BLTP1: variants seen among roughly 807,000 people sequenced by gnomAD.
BLTP1 encodes fragile site-associated protein.
the BLTP1 span, chr4:122,183,247 GA>G: frequency 2.3e-6 from 1 of 429,574 alleles, no homozygotes; most frequent in Admixed American, 6.6e-5. Context: ...GAGGTGGGAG[GA>G]TCACTTGAGC....
chr4:122,213,271 G>A, the BLTP1 span, among the ~76,000 whole-genome samples: 109 of 152,128 alleles, frequency 7.2e-4, no homozygotes, highest in Admixed American at 4.1e-3. Flanking sequence ...ACTTCTTCCT[G>A]GCCTCAAGTG....
chr4:122,261,301 CAT>C, the BLTP1 span: 8 of 985,062 alleles, frequency 8.1e-6, no homozygotes, highest in South Asian at 9.4e-5. Flanking sequence ...CCTTCTGAAT[CAT>C]ATTTAGGTGT....
chr4:122,280,201 A>G, the BLTP1 span: 5 of 985,192 alleles, frequency 5.1e-6, no homozygotes, highest in Non-Finnish European at 6.0e-6. Context: ...AGTGTTCCAT[A>G]TTGCATAAAC....
At chr4:122,174,471 T>A in the BLTP1 span, 1 of 1,506,416 alleles carries the variant, frequency 6.6e-7, no homozygotes. Flanking sequence ...TGAGAAGAGA[T>A]GCTTATTGAA....
chr4:122,254,408 A>G, the BLTP1 span: 1 of 1,397,294 alleles, frequency 7.2e-7, no homozygotes, highest in South Asian at 1.3e-5. Flanking sequence ...ATAGTATACA[A>G]TTCTGTTTCA....
the BLTP1 span, chr4:122,187,525 T>G: frequency 1.2e-6 from 2 of 1,606,998 alleles, no homozygotes; most frequent in Non-Finnish European, 1.7e-6. Context: ...AAGTAAATTC[T>G]GCTACAATTA....
the BLTP1 span, chr4:122,264,558 T>G: frequency 1.5e-6 from 1 of 687,730 alleles, no homozygotes; most frequent in Non-Finnish European, 2.1e-6. Context: ...ACAGCCTTCA[T>G]GCAAAACAGG....
At chr4:122,203,862 A>T in the BLTP1 span, 19 of 493,762 alleles carry the variant, frequency 3.8e-5, no homozygotes, top group Non-Finnish European at 4.5e-5. Flanking sequence ...AGAATAAAAT[A>T]ATAAGATTTG....
the BLTP1 span, among the ~76,000 whole-genome samples, chr4:122,303,704 G>A: frequency 6.6e-6 from 1 of 152,294 alleles, no homozygotes; most frequent in East Asian, 1.9e-4. Context: ...TGCAGACAGG[G>A]TGGAAATAGC....
At chr4:122,247,469 AAGAAAG>A in the BLTP1 span, 1 of 1,260,404 alleles carries the variant, frequency 7.9e-7, no homozygotes, top group South Asian at 1.4e-5. Context: ...GGTATTCTAT[AAGAAAG>A]AGAAAGGTAT....
At chr4:122,353,917 A>T in the BLTP1 span, 1 of 1,613,990 alleles carries the variant, frequency 6.2e-7, no homozygotes, top group Non-Finnish European at 8.5e-7. This position sits in a 1 kb window ranked among gnomAD's most constrained non-coding sequence, Gnocchi z 4.3. Flanking sequence ...GTCCTATGGC[A>T]ACAATAACCA....
chr4:122,338,320 A>T, the BLTP1 span, among the ~76,000 whole-genome samples: 33 of 152,038 alleles, frequency 2.2e-4, no homozygotes, highest in African/African-American at 7.7e-4. Flanking sequence ...AAAATAAAAT[A>T]AAATTAGCGA....
At chr4:122,298,930 ATTG>A in the BLTP1 span, 1 of 985,298 alleles carries the variant, frequency 1.0e-6, no homozygotes, top group Non-Finnish European at 1.2e-6. Flanking sequence ...ACTTGCAGTA[ATTG>A]TTGTGAGGAG....
chr4:122,229,036 T>G, the BLTP1 span: 1 of 1,137,088 alleles, frequency 8.8e-7, no homozygotes, highest in Non-Finnish European at 1.2e-6. Context: ...CTAGATTTTT[T>G]GTGTTTATTT....
At chr4:122,321,531 A>ATG in the BLTP1 span, among the ~76,000 whole-genome samples, 1 of 119,512 alleles carries the variant, frequency 8.4e-6, no homozygotes, top group Non-Finnish European at 1.8e-5. Context: ...ATGTGTATAT[A>ATG]TGTGTGTGTA....
chr4:122,246,393 C>G, the BLTP1 span: 1 of 1,190,780 alleles, frequency 8.4e-7, no homozygotes, highest in South Asian at 1.8e-5. Context: ...AATGGTAGAA[C>G]AGTGTGTAAT....
the BLTP1 span, among the ~76,000 whole-genome samples, chr4:122,201,323 A>G: frequency 6.6e-6 from 1 of 152,216 alleles, no homozygotes; most frequent in Admixed American, 6.5e-5. Context: ...AACAAGGAAA[A>G]TATAAACCCC....
the BLTP1 span, chr4:122,328,268 C>T: frequency 1.9e-6 from 3 of 1,610,910 alleles, no homozygotes; most frequent in Non-Finnish European, 1.7e-6. Context: ...GACGGGATGA[C>T]AGTTTGTCTT....
At chr4:122,256,664 A>G in the BLTP1 span, 1 of 163,740 alleles carries the variant, frequency 6.1e-6, no homozygotes, top group African/African-American at 2.4e-5. Context: ...GTAACAGGAA[A>G]AGAGCCAAAA....
Sources: allele counts gnomAD v4.1 joint callset (sites outside exome capture counted in the v4.1 genomes callset), GRCh38; gene constraint gnomAD v4.1.1; non-coding constraint Gnocchi (gnomAD v3.1); transcripts MANE v1.5; gene names NCBI Gene and HGNC (gene_info 2026-07-23, HGNC 2026-07-21).